SYTL5: variants seen among roughly 807,000 people sequenced by gnomAD.
The protein encoded by SYTL5 is synaptotagmin-like protein 5.
Under a neutral mutation model 55.9 loss-of-function variants are expected in SYTL5, and 34 were observed. That is an observed-to-expected ratio of 0.61 (90% confidence interval 0.46 to 0.81). The LOEUF is 0.81. SYTL5 is among the 30% of genes least tolerant of loss of function. SYTL5 has a pLI of 0.00. For missense variants in SYTL5, 637 were observed against 546.7 expected (o/e 1.17, Z -1.65); for synonymous variants, 221 against 188.7 (o/e 1.17, Z -1.40).
intron 3 of SYTL5, among the ~76,000 whole-genome samples, chrX:38,056,941 A>G (rs1935805203): frequency 9.0e-6 from 1 of 111,300 alleles, no homozygotes; most frequent in Non-Finnish European, 1.9e-5. Flanking sequence ...TTGTCTCTTC[A>G]CTTTGTTGAC....
intron 2 of SYTL5, among the ~76,000 whole-genome samples, chrX:38,045,635 G>A (rs1036594363): frequency 3.6e-5 from 4 of 111,857 alleles, no homozygotes; most frequent in Non-Finnish European, 5.6e-5. Context: ...ACATGAAATT[G>A]GCACAAGTCA....
At chrX:38,048,016 C>T (rs1167051138) in intron 2 of SYTL5, among the ~76,000 whole-genome samples, 1 of 110,329 alleles carries the variant, frequency 9.1e-6, no homozygotes, top group Non-Finnish European at 1.9e-5. Context: ...GAAACCCCCT[C>T]TCTACTAAAA....
At chrX:37,974,679 G>A in the SYTL5 span, among the ~76,000 whole-genome samples, 1 of 112,653 alleles carries the variant, frequency 8.9e-6, no homozygotes, top group South Asian at 3.6e-4. Context: ...GTTTGAATAT[G>A]AGAACTATTT....
At chrX:38,065,828 G>T (rs1232539396) in intron 3 of SYTL5, among the ~76,000 whole-genome samples, 1 of 111,889 alleles carries the variant, frequency 8.9e-6, no homozygotes, top group African/African-American at 3.3e-5. Context: ...GGCCGGGCGT[G>T]GTGGCTCACA....
chrX:37,901,287 A>G, the SYTL5 span, among the ~76,000 whole-genome samples: 1 of 111,592 alleles, frequency 9.0e-6, no homozygotes, highest in Non-Finnish European at 1.9e-5. Flanking sequence ...CATCCCAAAG[A>G]TCTTACCTCA....
the SYTL5 span, among the ~76,000 whole-genome samples, chrX:37,958,033 A>T: frequency 4.5e-5 from 5 of 110,996 alleles, no homozygotes; most frequent in South Asian, 1.9e-3. Flanking sequence ...ACATGGTGAA[A>T]CCTCGGATCT....
the SYTL5 span, among the ~76,000 whole-genome samples, chrX:37,934,640 C>CTTT: frequency 4.9e-4 from 48 of 97,249 alleles, no homozygotes; most frequent in African/African-American, 1.8e-3. Flanking sequence ...TTTTTTTTTT[C>CTTT]TTTTTTTTTT....
chrX:37,916,677 G>A, the SYTL5 span, among the ~76,000 whole-genome samples: 4 of 112,185 alleles, frequency 3.6e-5, no homozygotes, highest in African/African-American at 1.3e-4. Context: ...TTCAGAATTA[G>A]TAATGGATTT....
At chrX:38,069,234 A>G (rs1936188700) in intron 3 of SYTL5, among the ~76,000 whole-genome samples, 1 of 112,211 alleles carries the variant, frequency 8.9e-6, no homozygotes, top group Non-Finnish European at 1.9e-5. Flanking sequence ...TTCTATTGCC[A>G]CCTTAACTAT....
intron 13 of SYTL5, among the ~76,000 whole-genome samples, chrX:38,119,927 A>G (rs926458444): frequency 1.8e-5 from 2 of 112,221 alleles, no homozygotes; most frequent in African/African-American, 6.5e-5. Context: ...TCCATTCTTG[A>G]TCACTTGGGA....
intron 3 of SYTL5, among the ~76,000 whole-genome samples, chrX:38,065,980 G>C (rs1936088332): frequency 9.1e-6 from 1 of 110,412 alleles, no homozygotes; most frequent in African/African-American, 3.3e-5. Flanking sequence ...CATGCCTGTA[G>C]TCCCAGCTAC....
chrX:38,088,905 A>T (rs766906244), intron 6 of SYTL5, among the ~76,000 whole-genome samples: 7 of 112,387 alleles, frequency 6.2e-5, no homozygotes, highest in Admixed American at 9.4e-5. Flanking sequence ...GCCAAACAAG[A>T]CATTTTGCAG....
the SYTL5 span, among the ~76,000 whole-genome samples, chrX:37,960,841 G>A: frequency 5.3e-3 from 566 of 105,938 alleles, 3 homozygotes; most frequent in Middle Eastern, 0.025. Flanking sequence ...TGTCGCCCAG[G>A]CTGGAGTGCA....
chrX:37,993,873 A>G, the SYTL5 span, among the ~76,000 whole-genome samples: 1 of 112,438 alleles, frequency 8.9e-6, no homozygotes, highest in Non-Finnish European at 1.9e-5. Flanking sequence ...AGTTCCAGCT[A>G]CTAGGGCAAC....
chrX:38,001,016 G>A, the SYTL5 span, among the ~76,000 whole-genome samples: 1 of 111,010 alleles, frequency 9.0e-6, no homozygotes, highest in Non-Finnish European at 1.9e-5. Flanking sequence ...ATAAGCACAG[G>A]ATAGGGGTGT....
chrX:37,966,747 T>C, the SYTL5 span, among the ~76,000 whole-genome samples: 1 of 111,885 alleles, frequency 8.9e-6, no homozygotes, highest in Non-Finnish European at 1.9e-5. Flanking sequence ...CATGAATGTA[T>C]TTTATAGTTA....
At chrX:38,036,410 C>T (rs1313922752) in intron 2 of SYTL5, among the ~76,000 whole-genome samples, 4 of 111,094 alleles carry the variant, frequency 3.6e-5, no homozygotes, top group Non-Finnish European at 5.7e-5. Flanking sequence ...TAAGTAAATT[C>T]GGTTAAATTG....
chrX:38,091,410 A>G (rs1478469083), intron 7 of SYTL5, among the ~76,000 whole-genome samples: 1 of 112,345 alleles, frequency 8.9e-6, no homozygotes, highest in African/African-American at 3.2e-5. Context: ...GTGCATGGAT[A>G]GTTGACGAAT....
At chrX:38,095,754 G>A (rs1936918442) in intron 8 of SYTL5, among the ~76,000 whole-genome samples, 1 of 100,514 alleles carries the variant, frequency 9.9e-6, no homozygotes, top group African/African-American at 3.9e-5. Flanking sequence ...AATATTGCAA[G>A]CAAGAATTGT....
Sources: gnomAD v4.1 joint callset for allele counts (sites outside exome capture counted in the v4.1 genomes callset) on GRCh38, gnomAD v4.1.1 for gene constraint, MANE v1.5 for transcripts, NCBI Gene and HGNC (gene_info 2026-07-23, HGNC 2026-07-21) for gene names.